CENPP: variants seen among roughly 807,000 people sequenced by gnomAD.
CENPP encodes centromere protein P.
A neutral mutation model predicts 35.6 loss-of-function variants in CENPP; 24 were observed. That is an observed-to-expected ratio of 0.67 (90% CI 0.49 to 0.95). CENPP has a LOEUF of 0.95. Among genes scored for constraint, CENPP ranks in the 40% least tolerant of loss-of-function variants. The pLI, the probability that CENPP is intolerant of heterozygous loss-of-function variation, is 0.00. For synonymous variants in CENPP, 120 were observed against 125.5 expected (o/e 0.96, Z 0.29); for missense variants, 332 against 345.3 (o/e 0.96, Z 0.31).
At chr9:92,391,732 A>T (rs1842695866) in intron 5 of CENPP, among the ~76,000 whole-genome samples, 1 of 152,234 alleles carries the variant, frequency 6.6e-6, no homozygotes. Context: ...AACTGGAACC[A>T]GAAGACAGTG....
intron 5 of CENPP, chr9:92,403,383 G>A (rs1843199404): frequency 6.2e-7 from 1 of 1,612,884 alleles, no homozygotes; most frequent in South Asian, 1.1e-5. Flanking sequence ...AGTAACAGGA[G>A]AAGTGTAGAC....
intron 5 of CENPP, chr9:92,500,993 G>A (rs1166794912): frequency 6.2e-7 from 1 of 1,614,184 alleles, no homozygotes; most frequent in East Asian, 2.2e-5. Context: ...GCAAGGACTT[G>A]GGTAGATAGG....
chr9:92,516,106 C>G lies in CENPP; in HGVS notation c.565-95208C>G, dbSNP rs1174667992. ...CGAGACGGAGTCTTGCTCTGTCGCC[C>G]AGGCTGGAATGCAGTGGCATGATCT... On this transcript the variant is annotated intron_variant, in intron 5 of 7. Transcript: ENST00000375587. 2.0e-5 allele frequency among the ~76,000 whole-genome samples: 3 copies of G among 151,462 alleles called. No individual in the cohort carries two copies. The East Asian group carries it at 5.8e-4, about 29-fold the overall frequency.
chr9:92,424,651 A>G (rs1843912300), intron 5 of CENPP, among the ~76,000 whole-genome samples: 1 of 152,174 alleles, frequency 6.6e-6, no homozygotes, highest in Admixed American at 6.6e-5. Flanking sequence ...CCAGAGTCTC[A>G]GCAACTTAAG....
intron 5 of CENPP, among the ~76,000 whole-genome samples, chr9:92,521,899 T>C (rs1237512724): frequency 6.6e-6 from 1 of 152,216 alleles, no homozygotes; most frequent in Non-Finnish European, 1.5e-5. Context: ...AATGTTTATG[T>C]ATATTATCTA....
At chr9:92,466,548 C>T in intron 5 of CENPP, 1 of 1,613,980 alleles carries the variant, frequency 6.2e-7, no homozygotes, top group South Asian at 1.1e-5. Context: ...TCTTCGTTAG[C>T]TTGTTGTTGT....
At chr9:92,370,322 G>C (rs1841979508) in intron 4 of CENPP, among the ~76,000 whole-genome samples, 1 of 152,136 alleles carries the variant, frequency 6.6e-6, no homozygotes, top group Admixed American at 6.6e-5. Context: ...TCAGGGTAAT[G>C]CTGGCCTCTT....
At chr9:92,373,016 T>C (rs1206527119) in intron 4 of CENPP, among the ~76,000 whole-genome samples, 1 of 152,166 alleles carries the variant, frequency 6.6e-6, no homozygotes, top group East Asian at 1.9e-4. Flanking sequence ...TTTCATCTGT[T>C]ATTTTATTAA....
chr9:92,437,309 G>T (rs1279765104), intron 5 of CENPP, among the ~76,000 whole-genome samples: 1 of 151,996 alleles, frequency 6.6e-6, no homozygotes, highest in East Asian at 1.9e-4. Flanking sequence ...CACATTGTAA[G>T]GGTTCTTTGT....
At chr9:92,432,568 A>T (rs538437415) in intron 5 of CENPP, among the ~76,000 whole-genome samples, 2 of 152,312 alleles carry the variant, frequency 1.3e-5, no homozygotes, top group African/African-American at 4.8e-5. Context: ...AATAAGGAGG[A>T]TTGGGTATAA....
At chr9:92,541,365 C>T (rs1404066241) in intron 5 of CENPP, among the ~76,000 whole-genome samples, 2 of 151,828 alleles carry the variant, frequency 1.3e-5, no homozygotes, top group Non-Finnish European at 2.9e-5. Flanking sequence ...CCATCACTAG[C>T]CTCTGGTAAC....
At chr9:92,369,590 TATTA>T (rs1212143207) in intron 4 of CENPP, among the ~76,000 whole-genome samples, 10 of 152,326 alleles carry the variant, frequency 6.6e-5, no homozygotes, top group East Asian at 1.9e-4. Context: ...ATTTTAACAG[TATTA>T]ATTCTTCAAA....
intron 5 of CENPP, among the ~76,000 whole-genome samples, chr9:92,529,577 T>A (rs141606825): frequency 8.0e-4 from 121 of 151,852 alleles, no homozygotes; most frequent in Non-Finnish European, 1.3e-3. Context: ...AATAGGTGAA[T>A]GGAAAAAAAA....
chr9:92,352,105 C>T (rs1231880353), intron 4 of CENPP, among the ~76,000 whole-genome samples: 1 of 148,756 alleles, frequency 6.7e-6, no homozygotes, highest in African/African-American at 2.5e-5. Context: ...CACAGTGGCT[C>T]ATACCTGCAA....
chr9:92,534,318 CTCAGTACT>C (rs1849038032), intron 5 of CENPP, among the ~76,000 whole-genome samples: 1 of 152,162 alleles, frequency 6.6e-6, no homozygotes, highest in Non-Finnish European at 1.5e-5. Flanking sequence ...CCTCTTGAAT[CTCAGTACT>C]TCTTTTTATA....
intron 5 of CENPP, chr9:92,464,644 TA>T: frequency 1.8e-6 from 1 of 546,456 alleles, no homozygotes; most frequent in Non-Finnish European, 3.5e-6. Context: ...ATGACAGGTA[TA>T]AATGAGTAAA....
chr9:92,332,077 G>T, intron 1 of CENPP, 93 bp from the exon 2 acceptor site: 1 of 690,704 alleles, frequency 1.4e-6, no homozygotes, highest in East Asian at 3.1e-5. Flanking sequence ...GAGAGTAAGA[G>T]GGACAAAATG....
In CENPP at chr9:92,613,643, G is replaced by C. The variant is rs1381073406; in HGVS notation, c.*494G>C. The C allele has an allele frequency of 6.2e-6, 1 of 160,448 alleles. No individual in the cohort carries two copies. The highest frequency in any genetic ancestry group is 1.4e-5 in the Non-Finnish European group (1 of 72,474). The allele number at this position is 160,448 out of a possible 1,614,324, so 9.9% of individuals were successfully genotyped here. A position where few individuals can be genotyped will look rare whatever the true frequency, so the allele number is the denominator to read the frequency against. On this transcript the variant is annotated 3_prime_UTR_variant, in exon 8 of 8. Transcript: ENST00000375587. ...CCTGCCTCCCCCCGGTCCGCATGGT[G>C]GCACCGTGAGGCAGTCTCAGCAAGT...
chr9:92,547,604 AAAATAGACGAAT>A (rs1160103612), intron 5 of CENPP, among the ~76,000 whole-genome samples: 3 of 152,248 alleles, frequency 2.0e-5, no homozygotes, highest in African/African-American at 7.2e-5. Context: ...TGAAATGTCC[AAAATAGACGAAT>A]CCATTGAGAA....
Sources: allele counts gnomAD v4.1 joint callset (sites outside exome capture counted in the v4.1 genomes callset), GRCh38; gene constraint gnomAD v4.1.1; transcripts MANE v1.5; gene names NCBI Gene and HGNC (gene_info 2026-07-23, HGNC 2026-07-21).